Variants in THSD4 observed in about 807,000 individuals in gnomAD.
THSD4 encodes thrombospondin type-1 domain-containing protein 4.
Under a neutral mutation model 119.0 loss-of-function variants are expected in THSD4, and 69 were observed. The observed-to-expected ratio is 0.58, with a 90% confidence interval of 0.48 to 0.71. The LOEUF (loss-of-function observed/expected upper bound fraction) is 0.71. THSD4 is among the 30% of genes least tolerant of loss of function. The probability of loss-of-function intolerance (pLI) is 0.00; values close to 1 mark genes in which losing one functional copy is unlikely to be tolerated. For synonymous variants in THSD4, 524 were observed against 540.4 expected (o/e 0.97, Z 0.42); for missense variants, 1,393 against 1,391.1 (o/e 1.00, Z -0.02).
chr15:71,393,423 T>C (rs1715154704), intron 6 of THSD4, among the ~76,000 whole-genome samples: 1 of 152,044 alleles, frequency 6.6e-6, no homozygotes. Context: ...CAATGAGCCT[T>C]CATGCAGGAA....
At chr15:71,439,913 TAG>T (rs749762024) in intron 7 of THSD4, among the ~76,000 whole-genome samples, 1 of 152,128 alleles carries the variant, frequency 6.6e-6, no homozygotes, top group Non-Finnish European at 1.5e-5. Flanking sequence ...ACACCTAATG[TAG>T]GTGACGGGTT....
intron 17 of THSD4, among the ~76,000 whole-genome samples, chr15:71,771,545 C>A (rs2053823674): frequency 6.6e-6 from 1 of 152,004 alleles, no homozygotes; most frequent in East Asian, 1.9e-4. Flanking sequence ...TAGGCTGGAC[C>A]ATGTGGGGAG....
chr15:71,660,616 T>A lies in THSD4; in HGVS notation c.1239T>A (p.Val413=), dbSNP rs2051284188. The change falls in exon 8 of 18, where the codon GTT becomes GTA. Residue 413 remains valine, a synonymous_variant. Coordinates refer to ENST00000261862, the MANE Select transcript of THSD4 (RefSeq NM_024817.3). ...GAGGAGACAACACGGGCTGTCAGGT[T>A]GTGTCGGGCGTGTTTAAGCATGCCC... The part of the protein sequence containing the change: ...VCGGDNTGCQ[V]VSGVFKHALT... The A allele has an allele frequency of 1.9e-6, 3 of 1,614,202 alleles. No homozygotes were observed. The East Asian group carries it at 6.7e-5, about 36-fold the overall frequency.
intron 6 of THSD4, among the ~76,000 whole-genome samples, chr15:71,261,429 A>G (rs532786606): frequency 6.6e-6 from 1 of 152,250 alleles, no homozygotes; most frequent in African/African-American, 2.4e-5. Context: ...CTGTGAGAGA[A>G]TACATTTCTC....
At chr15:71,497,712 G>C (rs980465623) in intron 7 of THSD4, among the ~76,000 whole-genome samples, 1 of 152,096 alleles carries the variant, frequency 6.6e-6, no homozygotes, top group African/African-American at 2.4e-5. Flanking sequence ...TAGCGTCACC[G>C]TGTTGTATAG....
intron 3 of THSD4, among the ~76,000 whole-genome samples, chr15:71,194,915 CG>C (rs1277810436): frequency 6.6e-6 from 1 of 151,920 alleles, no homozygotes; most frequent in African/African-American, 2.4e-5. Context: ...CTGGGAAAGT[CG>C]GCGGCCACCA....
At chr15:71,706,621 TG>T (rs1233638249) in intron 8 of THSD4, among the ~76,000 whole-genome samples, 1 of 152,118 alleles carries the variant, frequency 6.6e-6, no homozygotes, top group Non-Finnish European at 1.5e-5. Flanking sequence ...AACCAGGAAC[TG>T]GACCCGAGGT....
chr15:71,642,893 A>G (rs907616111), intron 7 of THSD4, among the ~76,000 whole-genome samples: 11 of 152,166 alleles, frequency 7.2e-5, no homozygotes, highest in Non-Finnish European at 1.3e-4. Context: ...TGGCACATGT[A>G]TACATATGTA....
intron 6 of THSD4, among the ~76,000 whole-genome samples, chr15:71,282,062 G>A (rs537077795): frequency 2.6e-5 from 4 of 152,308 alleles, no homozygotes; most frequent in African/African-American, 9.6e-5. Context: ...TCCTACACCT[G>A]ACACCTGGTA....
intron 10 of THSD4, 21 bp downstream of exon 10, chr15:71,731,238 G>A: frequency 6.2e-7 from 1 of 1,607,674 alleles, no homozygotes; most frequent in Non-Finnish European, 8.5e-7. Flanking sequence ...TTGTCTTGTG[G>A]CCGGGGACTC....
chr15:71,250,849 G>T (rs1177126276), intron 5 of THSD4, among the ~76,000 whole-genome samples: 1 of 151,906 alleles, frequency 6.6e-6, no homozygotes, highest in South Asian at 2.1e-4. Context: ...CATCCTTTGG[G>T]GCTTTGATGT....
intron 4 of THSD4, among the ~76,000 whole-genome samples, chr15:71,228,202 G>C (rs577608991): frequency 6.6e-6 from 1 of 152,200 alleles, no homozygotes; most frequent in East Asian, 1.9e-4. Context: ...GACAAGCAGA[G>C]GGAGATGTAA....
intron 6 of THSD4, among the ~76,000 whole-genome samples, chr15:71,344,146 C>G (rs2045621328): frequency 6.6e-6 from 1 of 151,234 alleles, no homozygotes; most frequent in South Asian, 2.1e-4. Context: ...TCACGCCATT[C>G]TCCTGCCTCA....
chr15:71,395,750 CA>C (rs1461568413), intron 6 of THSD4, among the ~76,000 whole-genome samples: 3 of 151,708 alleles, frequency 2.0e-5, no homozygotes, highest in East Asian at 1.9e-4. Context: ...CCCCGACTCC[CA>C]AAAAAAAGAT....
chr15:71,747,401 ATAGAG>A (rs2053360797), intron 13 of THSD4, among the ~76,000 whole-genome samples: 1 of 152,230 alleles, frequency 6.6e-6, no homozygotes, highest in Non-Finnish European at 1.5e-5. Flanking sequence ...GCCTGGAAGA[ATAGAG>A]TAGTGTCAGT....
At chr15:71,294,604 C>T (rs781171500) in intron 6 of THSD4, among the ~76,000 whole-genome samples, 16 of 152,108 alleles carry the variant, frequency 1.1e-4, no homozygotes, top group Non-Finnish European at 1.5e-4. Flanking sequence ...ATGACCATCT[C>T]GGTAACCTAC....
At chr15:71,774,500 G>A (rs138543995) in intron 17 of THSD4, among the ~76,000 whole-genome samples, 1 of 152,206 alleles carries the variant, frequency 6.6e-6, no homozygotes, top group East Asian at 1.9e-4. Context: ...TCGTAACTTG[G>A]TGTAAACTTT....
At chr15:71,309,448 G>T (rs1244742844) in intron 6 of THSD4, among the ~76,000 whole-genome samples, 1 of 152,186 alleles carries the variant, frequency 6.6e-6, no homozygotes, top group Non-Finnish European at 1.5e-5. Flanking sequence ...GTGTGGGGTT[G>T]TCTCTTCACT....
At chr15:71,261,731 C>T (rs758487332) in intron 6 of THSD4, among the ~76,000 whole-genome samples, 23 of 152,206 alleles carry the variant, frequency 1.5e-4, no homozygotes, top group Non-Finnish European at 3.2e-4. Flanking sequence ...TACTTCTTTA[C>T]TGGAAGCCAC....
Sources: allele counts gnomAD v4.1 joint callset (sites outside exome capture counted in the v4.1 genomes callset), GRCh38; gene constraint gnomAD v4.1.1; transcripts MANE v1.5; gene names NCBI Gene and HGNC (gene_info 2026-07-23, HGNC 2026-07-21).